The following LRRC4C variants were observed in gnomAD, a reference collection of about 807,000 sequenced individuals.
LRRC4C encodes the protein leucine-rich repeat-containing protein 4C.
Under a neutral mutation model 33.6 loss-of-function variants are expected in LRRC4C, and 5 were observed. The observed-to-expected ratio is 0.15, with a 90% CI of 0.08 to 0.31. LRRC4C has a LOEUF of 0.31. Ranked by LOEUF, LRRC4C falls within the 10% of genes least tolerant of loss-of-function variation. The pLI is 1.00. For synonymous variants in LRRC4C, 329 were observed against 302.0 expected (o/e 1.09, Z -0.93); for missense variants, 560 against 796.7 (o/e 0.70, Z 3.58).
At chr11:40,417,600 C>T (rs1950375118) in intron 3 of LRRC4C, among the ~76,000 whole-genome samples, 1 of 152,062 alleles carries the variant, frequency 6.6e-6, no homozygotes, top group South Asian at 2.1e-4. Context: ...GATCTACCTA[C>T]CTCGGCCTCC....
intron 3 of LRRC4C, among the ~76,000 whole-genome samples, chr11:40,632,214 G>T (rs1963532638): frequency 6.6e-6 from 1 of 152,140 alleles, no homozygotes; most frequent in South Asian, 2.1e-4. Flanking sequence ...TCAAAATTAG[G>T]TATTTGTTTT....
chr11:40,680,332 C>T (rs1944621400), intron 2 of LRRC4C, among the ~76,000 whole-genome samples: 1 of 152,040 alleles, frequency 6.6e-6, no homozygotes, highest in African/African-American at 2.4e-5. Context: ...TTTAGTTAAT[C>T]CTGAAATAAG....
intron 1 of LRRC4C, among the ~76,000 whole-genome samples, chr11:41,069,071 A>T (rs1938484447): frequency 6.6e-6 from 1 of 152,226 alleles, no homozygotes; most frequent in Non-Finnish European, 1.5e-5. Context: ...TTAAACCACC[A>T]TGATGAAGTT....
chr11:40,556,877 A>G (rs2135480386), intron 3 of LRRC4C, among the ~76,000 whole-genome samples: 1 of 152,290 alleles, frequency 6.6e-6, no homozygotes, highest in African/African-American at 2.4e-5. Flanking sequence ...AGATTATTAA[A>G]AGTTGGAGCT....
chr11:41,187,591 C>T (rs1231538540), intron 1 of LRRC4C, among the ~76,000 whole-genome samples: 3 of 152,202 alleles, frequency 2.0e-5, no homozygotes, highest in African/African-American at 4.8e-5. Flanking sequence ...TCCAAGCCCA[C>T]GTGTTATCAG....
At chr11:40,757,227 A>C (rs183109887) in intron 2 of LRRC4C, among the ~76,000 whole-genome samples, 1 of 152,188 alleles carries the variant, frequency 6.6e-6, no homozygotes, top group Non-Finnish European at 1.5e-5. Flanking sequence ...AGACTAGGAA[A>C]CAGTCCAAAT....
At chr11:40,560,442 T>TTGTG (rs66917448) in intron 3 of LRRC4C, among the ~76,000 whole-genome samples, 165 of 149,412 alleles carry the variant, frequency 1.1e-3, no homozygotes, top group African/African-American at 2.5e-3. Flanking sequence ...GTGCCTGTGT[T>TTGTG]TGTGTGTGTG....
At chr11:40,762,340 C>T (rs1949256043) in intron 2 of LRRC4C, among the ~76,000 whole-genome samples, 1 of 152,084 alleles carries the variant, frequency 6.6e-6, no homozygotes, top group Non-Finnish European at 1.5e-5. Context: ...TCCTTTATTT[C>T]CATTAAGGTT....
At chr11:40,548,160 A>G (rs1340485866) in intron 3 of LRRC4C, among the ~76,000 whole-genome samples, 1 of 152,084 alleles carries the variant, frequency 6.6e-6, no homozygotes, top group Non-Finnish European at 1.5e-5. Flanking sequence ...TGAAGAAAAT[A>G]AAAATCGGAA....
intron 1 of LRRC4C, among the ~76,000 whole-genome samples, chr11:41,295,645 C>T (rs959688929): frequency 3.3e-5 from 5 of 151,582 alleles, no homozygotes; most frequent in African/African-American, 7.3e-5. Context: ...AACCTGACTC[C>T]GGGAACTTCA....
intron 2 of LRRC4C, among the ~76,000 whole-genome samples, chr11:40,805,618 CA>C (rs1160446159): frequency 6.6e-6 from 1 of 152,064 alleles, no homozygotes; most frequent in Non-Finnish European, 1.5e-5. Flanking sequence ...ACATTATCTC[CA>C]CCTTCAACCT....
chr11:40,682,160 C>T (rs1431096285), intron 2 of LRRC4C, among the ~76,000 whole-genome samples: 3 of 151,686 alleles, frequency 2.0e-5, no homozygotes, highest in African/African-American at 7.3e-5. Flanking sequence ...GTCCCAGCTA[C>T]CCAGGAGGCT....
intron 4 of LRRC4C, among the ~76,000 whole-genome samples, chr11:40,260,414 G>C (rs1371093757): frequency 6.9e-6 from 1 of 145,560 alleles, no homozygotes; most frequent in Non-Finnish European, 1.5e-5. Flanking sequence ...TGGGTTAGGG[G>C]GAGGGGGGAG....
rs1185974068 is a variant in LRRC4C, at chr11:40,426,831, T to C, written c.-269-107110A>G. Among the ~76,000 whole-genome samples the C allele has an allele frequency of 1.3e-4, 20 of 152,200 alleles. No individual in the cohort carries two copies. The South Asian group carries it at 1.4e-3, about 11-fold the overall frequency. ...AATGTTTTAAATTTCCTGCTCTTCT[T>C]AGTTTCTGAAAGACCTTCTTTCCGT... On this transcript the variant is annotated intron_variant, in intron 3 of 6. Transcript: ENST00000528697.
At chr11:41,276,157 G>A (rs2136887180) in intron 1 of LRRC4C, among the ~76,000 whole-genome samples, 1 of 152,278 alleles carries the variant, frequency 6.6e-6, no homozygotes, top group African/African-American at 2.4e-5. Context: ...AAAGATAGCA[G>A]CTAAGACTAA....
chr11:40,355,937 T>C (rs922434696), intron 3 of LRRC4C, among the ~76,000 whole-genome samples: 10 of 142,818 alleles, frequency 7.0e-5, no homozygotes, highest in African/African-American at 2.4e-4. Flanking sequence ...TTTACATTCA[T>C]AGTATAGTAT....
intron 1 of LRRC4C, among the ~76,000 whole-genome samples, chr11:41,240,444 A>AT (rs897074555): frequency 5.3e-5 from 8 of 152,088 alleles, no homozygotes; most frequent in African/African-American, 1.4e-4. Context: ...TGAGGGGAAG[A>AT]TTTTTTTCTG....
intron 2 of LRRC4C, among the ~76,000 whole-genome samples, chr11:40,766,588 C>T (rs764356099): frequency 2.8e-4 from 43 of 151,406 alleles, no homozygotes; most frequent in Non-Finnish European, 5.5e-4. Context: ...TACATAGAAA[C>T]AATAAAAACT....
intron 2 of LRRC4C, among the ~76,000 whole-genome samples, chr11:40,764,751 T>C (rs913054577): frequency 6.6e-6 from 1 of 152,100 alleles, no homozygotes; most frequent in African/African-American, 2.4e-5. Context: ...AATTCCATTT[T>C]TAGGGGGGGA....
Sources: allele counts gnomAD v4.1 joint callset (sites outside exome capture counted in the v4.1 genomes callset), GRCh38; gene constraint gnomAD v4.1.1; transcripts MANE v1.5; gene names NCBI Gene and HGNC (gene_info 2026-07-23, HGNC 2026-07-21).